The following WARS1 variants were observed in gnomAD, a reference collection of about 807,000 sequenced individuals.
WARS1 encodes the protein tryptophanyl-tRNA synthetase 1, also known as tryptophan--tRNA ligase, cytoplasmic.
Under a neutral mutation model 47.8 loss-of-function variants are expected in WARS1, and 17 were observed. The ratio of observed to expected loss-of-function variants is 0.36; its 90% CI spans 0.24 to 0.53. WARS1 has a LOEUF of 0.53. WARS1 is among the 20% of genes least tolerant of loss of function. The probability of loss-of-function intolerance (pLI) is 0.91; values close to 1 mark genes in which losing one functional copy is unlikely to be tolerated. For synonymous variants in WARS1, 208 were observed against 228.1 expected (o/e 0.91, Z 0.79); for missense variants, 434 against 608.0 (o/e 0.71, Z 3.01).
At chr14:100,369,046 GGCTCA>G (rs1157800629) in intron 2 of WARS1, 36 bp downstream of exon 2, 8 of 1,441,454 alleles carry the variant, frequency 5.5e-6, no homozygotes, top group Non-Finnish European at 7.5e-6. Context: ...AGACTTGGGA[GGCTCA>G]GCTGCCTTCG....
Position 100,369,091 on chromosome 14 carries a change from G to T in WARS1, c.95C>A (p.Ser32Ter). 1.3e-6 allele frequency: 2 copies of T among 1,550,416 alleles called. No homozygotes were observed. The highest frequency in any genetic ancestry group is 1.2e-5 in the South Asian group (1 of 84,548). The change falls in exon 2 of 11, where the codon TCA (serine) becomes TAA (stop). Residue 32 changes from serine (S) to a stop codon, truncating the protein, a stop_gained. Transcript: ENST00000392882. LOFTEE classifies it high-confidence loss of function. ...LVRSLKAGNASKDEIDSAVKM... is the reference protein window; with the variant it reads ...LVRSLKAGNA ...GAACCCAGCAAAATCATGTACCTTTGACGCATTTCCCGCTTTGAGGGACCT... is the reference window on the plus strand; with the variant it reads ...GAACCCAGCAAAATCATGTACCTTTTACGCATTTCCCGCTTTGAGGGACCT...
intron 6 of WARS1, among the ~76,000 whole-genome samples, chr14:100,347,859 G>T (rs1056280409): frequency 3.9e-5 from 6 of 152,196 alleles, no homozygotes; most frequent in Non-Finnish European, 5.9e-5. Flanking sequence ...TTACAGGTGT[G>T]AGCCACCGCG....
chr14:100,372,533 T>C (rs1200215274), intron 1 of WARS1, among the ~76,000 whole-genome samples: 2 of 152,172 alleles, frequency 1.3e-5, no homozygotes, highest in Non-Finnish European at 2.9e-5. Context: ...CGGAGTACCC[T>C]CTGCCTAGGG....
rs367992725 is a variant in WARS1, at chr14:100,337,032, G to A, written c.1254+30C>T. The A allele has an allele frequency of 3.7e-5, 60 of 1,600,334 alleles. No individual in the cohort carries two copies. The East Asian group carries it at 4.5e-4, about 12-fold the overall frequency. On this transcript the variant is annotated intron_variant, in intron 10 of 10. Coordinates refer to ENST00000392882, the MANE Select transcript of WARS1 (RefSeq NM_004184.4). ...TGGGCAGGAGTGGGTGGCAGAAGGC[G>A]GCTGTGGGCCCTTGGGGTTCCCTGC...
intron 6 of WARS1, among the ~76,000 whole-genome samples, chr14:100,347,650 C>T (rs138824488): frequency 1.6e-3 from 246 of 152,204 alleles, no homozygotes; most frequent in African/African-American, 5.8e-3. Context: ...GATCTTGGCT[C>T]ACTGCAACCT....
intron 2 of WARS1, among the ~76,000 whole-genome samples, chr14:100,362,847 C>T (rs3783346): frequency 0.17 from 25,578 of 152,206 alleles, 2,424 homozygotes; most frequent in Non-Finnish European, 0.22. Flanking sequence ...ACAGAATGTT[C>T]TATAAACACC....
chr14:100,339,456 G>A lies in WARS1; in HGVS notation c.1114-2254C>T, dbSNP rs773471433. Among the ~76,000 whole-genome samples the A allele has an allele frequency of 3.7e-4, 57 of 152,160 alleles. 1 individual carries two copies. Among genetic ancestry groups the A allele is most frequent in the South Asian group, 4.2e-4 (2 of 4,812 alleles). ...ATACAAAAAATTAGCTGGGTGTGGTGGTGGGCGCCTGTAGGCCCAGCTACT... is the reference window on the plus strand; with the variant it reads ...ATACAAAAAATTAGCTGGGTGTGGTAGTGGGCGCCTGTAGGCCCAGCTACT... On this transcript the variant is annotated intron_variant, in intron 9 of 10. Coordinates refer to ENST00000392882, the MANE Select transcript of WARS1 (RefSeq NM_004184.4).
At chr14:100,364,255 C>T (rs1369143066) in intron 2 of WARS1, among the ~76,000 whole-genome samples, 1 of 152,216 alleles carries the variant, frequency 6.6e-6, no homozygotes, top group East Asian at 1.9e-4. Flanking sequence ...CCTAGCATTG[C>T]TTCTTTAGTC....
chr14:100,351,833 A>G (rs1895001583), intron 6 of WARS1, among the ~76,000 whole-genome samples: 1 of 151,956 alleles, frequency 6.6e-6, no homozygotes, highest in African/African-American at 2.4e-5. Flanking sequence ...CTCTACTAAA[A>G]ATACAAAAAA....
rs376193322 is a variant in WARS1 at position 100,354,503 on chromosome 14, C to T, written c.486G>A (p.Arg162=). 18 of 1,614,136 alleles carry T rather than the reference C, an allele frequency of 1.1e-5. No homozygotes were observed. The African/African-American group carries it at 2.0e-4, about 18-fold the overall frequency. ...NKKPFYLYTG[R]GPSSEAMHVG... is the part of the protein sequence containing the mutation. Reference sequence around the variant, plus strand: ...CATGCATTGCTTCAGAAGAGGGGCCCCGGCCCGTGTACAGATAAAATGGCT... The same window carrying T: ...CATGCATTGCTTCAGAAGAGGGGCCTCGGCCCGTGTACAGATAAAATGGCT... Residue 162 remains arginine, a synonymous_variant, in exon 5 of 11, where the codon CGG becomes CGA. Transcript: ENST00000392882.
chr14:100,365,745 TTA>T (rs1387760219), intron 2 of WARS1, among the ~76,000 whole-genome samples: 1 of 144,916 alleles, frequency 6.9e-6, no homozygotes, highest in Admixed American at 6.8e-5. Context: ...TTTTTTTTTT[TTA>T]AAGCATAATC....
chr14:100,371,716 CAG>C (rs983031964), intron 1 of WARS1, among the ~76,000 whole-genome samples: 3 of 152,114 alleles, frequency 2.0e-5, no homozygotes, highest in African/African-American at 7.2e-5. Context: ...ACCTGGGCAA[CAG>C]AGAGAGACTC....
chr14:100,368,864 G>A (rs1017816670), intron 2 of WARS1, among the ~76,000 whole-genome samples: 6 of 152,160 alleles, frequency 3.9e-5, no homozygotes, highest in African/African-American at 4.8e-5. Flanking sequence ...GGGAGGCTGA[G>A]GCAGGAGAGT....
At chr14:100,365,522 G>A (rs1031851842) in intron 2 of WARS1, 1 of 243,756 alleles carries the variant, frequency 4.1e-6, no homozygotes, top group Non-Finnish European at 8.4e-6. Flanking sequence ...AGAGGTTGTA[G>A]TGAGCCAAGA....
At position 100,346,765 on chromosome 14, in the gene WARS1, G is replaced by A. The variant is rs778665378; in HGVS notation, c.807C>T (p.Phe269=). 6.2e-7 allele frequency: 1 copy of A among 1,614,158 alleles called. No homozygotes were observed. The highest frequency in any genetic ancestry group is 2.2e-5 in the East Asian group (1 of 44,894). ...TFNQVKGIFG[F]TDSDCIGKIS... is the part of the protein sequence containing the mutation. The stretch of plus-strand genomic sequence containing the variant: ...TCTTACCAATGCAGTCGCTGTCAGT[G>A]AAGCCGAAAATGCCTTTCACTTGGT... Residue 269 remains phenylalanine, a synonymous_variant, in exon 7 of 11, where the codon TTC becomes TTT. Transcript: ENST00000392882.
At chr14:100,354,973 G>A (rs1009790702) in intron 4 of WARS1, among the ~76,000 whole-genome samples, 3 of 152,154 alleles carry the variant, frequency 2.0e-5, no homozygotes, top group Non-Finnish European at 4.4e-5. Context: ...CAAACTGCAT[G>A]GGACCAGACA....
chr14:100,352,203 C>A (rs1895039937), intron 6 of WARS1, among the ~76,000 whole-genome samples: 1 of 149,000 alleles, frequency 6.7e-6, no homozygotes, highest in Admixed American at 6.7e-5. Context: ...CCTCCGCCTC[C>A]CAGGTTCAAG....
chr14:100,336,536 T>C (rs11160582), intron 10 of WARS1, among the ~76,000 whole-genome samples: 104,181 of 152,112 alleles, frequency 0.68, 36,874 homozygotes, highest in Admixed American at 0.81. Flanking sequence ...TTAACATCTT[T>C]GTGTGGAAAG....
intron 2 of WARS1, chr14:100,365,559 G>A (rs140236930): frequency 0.011 from 1,861 of 164,376 alleles, 48 homozygotes; most frequent in African/African-American, 0.048. Flanking sequence ...CAGCCTGGGC[G>A]ACAGAGTGAG....
Sources: gnomAD v4.1 joint callset for allele counts (sites outside exome capture counted in the v4.1 genomes callset) on GRCh38, gnomAD v4.1.1 for gene constraint, MANE v1.5 for transcripts, NCBI Gene and HGNC (gene_info 2026-07-23, HGNC 2026-07-21) for gene names.